CSMD1: variants seen among roughly 807,000 people sequenced by gnomAD.
The protein encoded by CSMD1 is CUB and Sushi multiple domains 1, also known as CUB and sushi domain-containing protein 1.
A neutral mutation model predicts 417.5 loss-of-function variants in CSMD1; 213 were observed. The ratio of observed to expected loss-of-function variants is 0.51; its 90% CI spans 0.46 to 0.57. The LOEUF (loss-of-function observed/expected upper bound fraction) is 0.57. Ranked by LOEUF, CSMD1 falls within the 20% of genes least tolerant of loss-of-function variation. The pLI is 0.00. For missense variants in CSMD1, 6,923 were observed against 4,529.7 expected (o/e 1.53, Z -15.17); for synonymous variants, 2,862 against 1,736.8 (o/e 1.65, Z -16.11).
At chr8:3,722,974 CA>C (rs1451011346) in intron 6 of CSMD1, among the ~76,000 whole-genome samples, 2 of 152,166 alleles carry the variant, frequency 1.3e-5, no homozygotes, top group East Asian at 3.9e-4. Flanking sequence ...CTTAAAGCAG[CA>C]TTTTATCATT....
chr8:4,675,488 G>A (rs558166280), intron 1 of CSMD1, among the ~76,000 whole-genome samples: 1 of 152,236 alleles, frequency 6.6e-6, no homozygotes, highest in South Asian at 2.1e-4. Flanking sequence ...CGGATAACAA[G>A]TCATAAATCA....
intron 27 of CSMD1, among the ~76,000 whole-genome samples, chr8:3,226,484 G>A (rs969431702): frequency 6.6e-6 from 1 of 151,518 alleles, no homozygotes; most frequent in Non-Finnish European, 1.5e-5. Flanking sequence ...TCAGGAGGCT[G>A]AGGCAGGAGA....
At chr8:3,571,654 G>T (rs534108694) in intron 10 of CSMD1, among the ~76,000 whole-genome samples, 1 of 151,974 alleles carries the variant, frequency 6.6e-6, no homozygotes, top group Non-Finnish European at 1.5e-5. Flanking sequence ...GGTGTTCTGC[G>T]CTCCCCGAGC....
chr8:3,678,345 A>T (rs938938210), intron 7 of CSMD1, among the ~76,000 whole-genome samples: 3 of 152,210 alleles, frequency 2.0e-5, no homozygotes, highest in Non-Finnish European at 2.9e-5. Context: ...TCTTTAAAGG[A>T]CCTGATGGAG....
chr8:3,199,410 T>C (rs1214584312), intron 33 of CSMD1, among the ~76,000 whole-genome samples: 2 of 152,282 alleles, frequency 1.3e-5, no homozygotes, highest in East Asian at 3.9e-4. Context: ...AAATACTGTA[T>C]TTGAAGTCAT....
At chr8:4,341,846 C>T (rs1413204972) in intron 3 of CSMD1, among the ~76,000 whole-genome samples, 3 of 152,098 alleles carry the variant, frequency 2.0e-5, no homozygotes, top group African/African-American at 4.8e-5. Flanking sequence ...CAGAAGGATG[C>T]TTCACCCAGC....
intron 23 of CSMD1, among the ~76,000 whole-genome samples, chr8:3,325,645 G>A (rs1470196863): frequency 6.6e-6 from 1 of 152,158 alleles, no homozygotes; most frequent in South Asian, 2.1e-4. Flanking sequence ...TCAGCGTGGT[G>A]AAACCCCGTC....
intron 6 of CSMD1, among the ~76,000 whole-genome samples, chr8:3,744,632 G>T (rs1220545283): frequency 6.6e-6 from 1 of 152,310 alleles, no homozygotes; most frequent in Admixed American, 6.5e-5. Flanking sequence ...ACATTGTAAT[G>T]CTTCAAGTTC....
intron 12 of CSMD1, among the ~76,000 whole-genome samples, chr8:3,438,479 T>C (rs1039130367): frequency 2.6e-5 from 4 of 152,200 alleles, no homozygotes; most frequent in Non-Finnish European, 4.4e-5. Context: ...TCTCTCTTCC[T>C]ATAAGAATGT....
intron 1 of CSMD1, among the ~76,000 whole-genome samples, chr8:4,807,754 C>A (rs976866776): frequency 6.6e-6 from 1 of 152,122 alleles, no homozygotes; most frequent in African/African-American, 2.4e-5. Flanking sequence ...AGAATCATAT[C>A]ACAGTATGTA....
intron 3 of CSMD1, among the ~76,000 whole-genome samples, chr8:4,172,435 T>G (rs972136255): frequency 1.3e-5 from 2 of 152,096 alleles, no homozygotes; most frequent in Admixed American, 1.3e-4. Context: ...CAGCATAGTC[T>G]AGGTTTCCCA....
chr8:3,400,392 A>T (rs553851194), intron 15 of CSMD1, among the ~76,000 whole-genome samples: 35 of 152,226 alleles, frequency 2.3e-4, no homozygotes, highest in African/African-American at 8.2e-4. Context: ...AAAAATATTT[A>T]TTTTATTTAA....
chr8:3,839,101 CTATA>C (rs199836865), intron 5 of CSMD1, among the ~76,000 whole-genome samples: 35,682 of 122,460 alleles, frequency 0.29, 5,332 homozygotes, highest in Non-Finnish European at 0.32. Flanking sequence ...ATAATATAGC[CTATA>C]TATATAGTCT....
rs543727813 is a variant in CSMD1, at chr8:2,956,448, T to TTTTA, written c.9815-684_9815-681dup. Among the ~76,000 whole-genome samples the TTTTA allele has an allele frequency of 2.0e-5, 3 of 151,840 alleles. No individual in the cohort carries two copies. In the South Asian group the frequency reaches 6.2e-4, roughly 32 times the overall value. ...CAAGTTTACAATTTTATTTATTTATTTTTATTTATTTATTTTTTATTTATT... is the reference window on the plus strand; with the variant it reads ...CAAGTTTACAATTTTATTTATTTATTTTTATTTATTTATTTATTTTTTATTTATT... On this transcript the variant is annotated intron_variant, in intron 63 of 69. Transcript: ENST00000635120.
At chr8:3,455,539 C>A (rs987145159) in intron 12 of CSMD1, among the ~76,000 whole-genome samples, 2 of 152,182 alleles carry the variant, frequency 1.3e-5, no homozygotes, top group Non-Finnish European at 1.5e-5. Flanking sequence ...CAGTCAGGAC[C>A]CTCAGCTGCA....
In CSMD1 at chr8:2,950,311, G is replaced by T. The variant is rs1340127454; in HGVS notation, c.10234C>A (p.Leu3412Met). Residue 3412 changes from leucine to methionine, a missense_variant, in exon 67 of 70, where the codon CTG becomes ATG. Physicochemically the swap from Leu to Met is conservative, Grantham distance 15. Transcript: ENST00000635120. ...IYKKEEAHLL[L>M]KAFQIKGQAD... ...TGGCCTTTAATTTGAAAAGCTTTCAGGAGTAAGTGGGCCTCCTCCTTCTTG... is the reference window on the plus strand; with the variant it reads ...TGGCCTTTAATTTGAAAAGCTTTCATGAGTAAGTGGGCCTCCTCCTTCTTG... 1 of 1,613,360 alleles carries T rather than the reference G, an allele frequency of 6.2e-7. No homozygotes were observed. Among genetic ancestry groups the T allele is most frequent in the South Asian group, 1.1e-5 (1 of 91,074 alleles).
chr8:3,505,575 A>C (rs550963378), intron 10 of CSMD1, among the ~76,000 whole-genome samples: 5 of 152,330 alleles, frequency 3.3e-5, no homozygotes, highest in South Asian at 4.1e-4. Context: ...CACACTAACA[A>C]CACCAGAAGA....
intron 23 of CSMD1, among the ~76,000 whole-genome samples, chr8:3,308,867 G>C (rs371669407): frequency 5.3e-5 from 8 of 151,476 alleles, no homozygotes; most frequent in African/African-American, 1.9e-4. Context: ...GGGATTACAG[G>C]TGCCTGCCAC....
At chr8:3,377,070 G>A (rs6558764) in intron 18 of CSMD1, among the ~76,000 whole-genome samples, 29,260 of 152,178 alleles carry the variant, frequency 0.19, 2,853 homozygotes, top group African/African-American at 0.24. Context: ...GTGTAGTGGT[G>A]TGATCTTGGC....
Sources: allele counts gnomAD v4.1 joint callset (sites outside exome capture counted in the v4.1 genomes callset), GRCh38; gene constraint gnomAD v4.1.1; transcripts MANE v1.5; gene names NCBI Gene and HGNC (gene_info 2026-07-23, HGNC 2026-07-21).